Variants in KLHDC7B observed in about 807,000 individuals in gnomAD.
KLHDC7B encodes kelch domain-containing protein 7B.
Under a neutral mutation model 0.6 loss-of-function variants are expected in KLHDC7B, and 1 was observed. The ratio of observed to expected loss-of-function variants is 1.71; its 90% CI spans 0.61 to 8.11. The LOEUF is 8.11. Among genes scored for constraint, KLHDC7B ranks in the 30% most tolerant of loss-of-function variants. KLHDC7B has a pLI of 0.13. For synonymous variants in KLHDC7B, 462 were observed against 405.2 expected, an observed-to-expected ratio of 1.14 and a Z score of -1.68; for missense variants, 993 against 894.9, an observed-to-expected ratio of 1.11 and a Z score of -1.40.
At position 50,548,684 on chromosome 22, in the gene KLHDC7B, C is replaced by G. The variant is rs373901626; in HGVS notation, c.2441C>G (p.Thr814Arg). Residue 814 changes from threonine (T) to arginine (R), a missense_variant, in exon 1 of 1, where the codon ACG (threonine) becomes AGG (arginine). By Grantham distance (71) the Thr-to-Arg change is moderately conservative. Transcript: ENST00000648057. The surrounding 1 kb of genome is among the most constrained non-coding windows in gnomAD (Gnocchi z 5.3). ...GSPAGRSGAL[T>R]EKQEEARKLM... ...CCTGCCGGCCGCAGCGGGGCGCTCA[C>G]GGAAAAGCAGGAGGAGGCCCGGAAG... 6.6e-7 allele frequency: 1 copy of G among 1,520,534 alleles called. No homozygotes were observed. The highest frequency in any genetic ancestry group is 8.8e-7 in the Non-Finnish European group (1 of 1,134,470). 94.2% of individuals were successfully genotyped at this position (1,520,534 alleles called of 1,614,324 possible).
At position 50,549,830 on chromosome 22, in the gene KLHDC7B, C is replaced by G. The variant is rs1471209219; in HGVS notation, c.3587C>G (p.Ser1196Cys). The stretch of plus-strand genomic sequence containing the variant: ...CAGGTCACTGCCACCTTCACGGTCT[C>G]TGGGGGGACTGCCCAGTTCCAGGCC... ...NPQVTATFTV[S>C]GGTAQFQAKE... The change falls in exon 1 of 1, where the codon TCT becomes TGT. Residue 1196 changes from serine (S) to cysteine (C), a missense_variant. Physicochemically the swap from Ser to Cys is moderately radical, Grantham distance 112. Coordinates refer to ENST00000648057, the MANE Select transcript of KLHDC7B (RefSeq NM_138433.5). 6.3e-7 allele frequency: 1 copy of G among 1,585,610 alleles called. No individual in the cohort carries two copies. Among genetic ancestry groups the G allele is most frequent in the African/African-American group, 1.3e-5 (1 of 74,320 alleles).
In KLHDC7B at chr22:50,548,475, C is replaced by A. The variant is rs376155257; in HGVS notation, c.2232C>A (p.Gly744=). ...TGCCCCAAGCCGCGATGCCCAGGGGCCCCGCACAGCCCCCCGCGCAGAGGC... is the reference window on the plus strand; with the variant it reads ...TGCCCCAAGCCGCGATGCCCAGGGGACCCGCACAGCCCCCCGCGCAGAGGC... ...DPLPQAAMPR[G]PAQPPAQRPP... Residue 744 remains glycine, a synonymous_variant, in exon 1 of 1, where the codon GGC becomes GGA. Coordinates refer to ENST00000648057, the MANE Select transcript of KLHDC7B (RefSeq NM_138433.5). This position sits in a 1 kb window ranked among gnomAD's most constrained non-coding sequence, Gnocchi z 5.3. 9 of 1,574,404 alleles carry A rather than the reference C, an allele frequency of 5.7e-6. No individual in the cohort carries two copies. The East Asian group carries it at 2.1e-4, about 36-fold the overall frequency.
chr22:50,548,559 G>C lies in KLHDC7B; in HGVS notation c.2316G>C (p.Arg772=). 1 of 1,549,488 alleles carries C rather than the reference G, an allele frequency of 6.5e-7. No homozygotes were observed. The highest frequency in any genetic ancestry group is 8.7e-7 in the Non-Finnish European group (1 of 1,147,668). The change falls in exon 1 of 1, where the codon CGG becomes CGC. Residue 772 remains arginine, a synonymous_variant. Transcript: ENST00000648057. The surrounding 1 kb of genome is among the most constrained non-coding windows in gnomAD (Gnocchi z 5.3). ...GCTCACAGCCGGTACCCCAGCTACGGAAACGCAGCAGGTGCGAAATCGCCC... is the reference window on the plus strand; with the variant it reads ...GCTCACAGCCGGTACCCCAGCTACGCAAACGCAGCAGGTGCGAAATCGCCC... ...ARRSQPVPQL[R]KRSRCEIAPS...
Position 50,549,722 on chromosome 22 carries a change from G to T in KLHDC7B, c.3479G>T (p.Ser1160Ile). ...MRYNTVTGSW[S>I]RAASLPLPAP... ...TACAACACAGTGACCGGCTCCTGGA[G>T]CAGGGCTGCCTCCCTGCCCCTGCCC... Residue 1160 changes from serine (S) to isoleucine (I), a missense_variant, in exon 1 of 1, where the codon AGC (serine) becomes ATC (isoleucine). Physicochemically the swap from Ser to Ile is moderately radical, Grantham distance 142. Coordinates refer to ENST00000648057, the MANE Select transcript of KLHDC7B (RefSeq NM_138433.5). 1 of 1,587,764 alleles carries T rather than the reference G, an allele frequency of 6.3e-7. No individual in the cohort carries two copies. Among genetic ancestry groups the T allele is most frequent in the Non-Finnish European group, 8.6e-7 (1 of 1,168,540 alleles).
rs1003246485 is a variant in KLHDC7B, at chr22:50,549,207, C to A, written c.1041C>A (p.Cys347Ter). 3 of 1,607,192 alleles carry A rather than the reference C, an allele frequency of 1.9e-6. No homozygotes were observed. Among genetic ancestry groups the A allele is most frequent in the Non-Finnish European group, 2.5e-6 (3 of 1,179,826 alleles). Reference sequence around the variant, plus strand: ...CCGAGGAGGCCCCGCTTCGGGGCTGCGGTCTCTGCACCATGCACAACTACC... The same window carrying A: ...CCGAGGAGGCCCCGCTTCGGGGCTGAGGTCTCTGCACCATGCACAACTACC... Residue 347 changes from cysteine to a stop codon, truncating the protein, a stop_gained, in exon 1 of 1, where the codon TGC becomes TGA. Transcript: ENST00000395676. LOFTEE classifies it low-confidence loss of function (END_TRUNC).
chr22:50,548,521 T>A lies in KLHDC7B; in HGVS notation c.2278T>A (p.Ser760Thr). The A allele has an allele frequency of 6.4e-7, 1 of 1,553,814 alleles. No homozygotes were observed. The highest frequency in any genetic ancestry group is 8.7e-7 in the Non-Finnish European group (1 of 1,149,162). ...GAGGCCGCCTGGCCCCGCGGCCTCC[T>A]CCTCTGCGAGGCGCTCACAGCCGGT... ...AQRPPGPAAS[S>T]SARRSQPVPQ... The change falls in exon 1 of 1, where the codon TCC (serine) becomes ACC (threonine). Residue 760 changes from serine (S) to threonine (T), a missense_variant. Physicochemically the swap from Ser to Thr is moderately conservative, Grantham distance 58. Coordinates refer to ENST00000648057, the MANE Select transcript of KLHDC7B (RefSeq NM_138433.5). This position sits in a 1 kb window ranked among gnomAD's most constrained non-coding sequence, Gnocchi z 5.3.
chr22:50,549,537 T>C lies in KLHDC7B; in HGVS notation c.3294T>C (p.Gly1098=). 1 of 1,604,280 alleles carries C rather than the reference T, an allele frequency of 6.2e-7. No individual in the cohort carries two copies. The highest frequency in any genetic ancestry group is 8.5e-7 in the Non-Finnish European group (1 of 1,174,350). The change falls in exon 1 of 1, where the codon GGT becomes GGC. Residue 1098 remains glycine, a synonymous_variant. Coordinates refer to ENST00000648057, the MANE Select transcript of KLHDC7B (RefSeq NM_138433.5). ...ACRGDIYVTG[G]HLFYRLLRYS... is the part of the protein sequence containing the mutation. ...GTGGGGACATCTACGTCACCGGGGGTCACCTCTTCTACCGCCTGCTCAGGT... is the reference window on the plus strand; with the variant it reads ...GTGGGGACATCTACGTCACCGGGGGCCACCTCTTCTACCGCCTGCTCAGGT...
Position 50,550,047 on chromosome 22 carries a change from C to G in KLHDC7B, c.*96C>G, listed in dbSNP as rs1029006618. 22 of 1,255,070 alleles carry G rather than the reference C, an allele frequency of 1.8e-5. No individual in the cohort carries two copies. Among genetic ancestry groups the G allele is most frequent in the South Asian group, 6.6e-5 (4 of 60,226 alleles). 77.7% of individuals were successfully genotyped at this position (1,255,070 alleles called of 1,614,324 possible). A position where few individuals can be genotyped will look rare whatever the true frequency, so the allele number is the denominator to read the frequency against. On this transcript the variant is annotated 3_prime_UTR_variant, in exon 1 of 1. Coordinates refer to ENST00000648057, the MANE Select transcript of KLHDC7B (RefSeq NM_138433.5). ...CGGGGCTCAGGGAAGGGGCTGGGATCGGAACTTCCTGCTCTTGTTTCTGGA... is the reference window on the plus strand; with the variant it reads ...CGGGGCTCAGGGAAGGGGCTGGGATGGGAACTTCCTGCTCTTGTTTCTGGA...
Position 50,549,620 on chromosome 22 carries a change from C to T in KLHDC7B, c.3377C>T (p.Ser1126Phe). 1 of 1,557,568 alleles carries T rather than the reference C, an allele frequency of 6.4e-7. No individual in the cohort carries two copies. The change falls in exon 1 of 1, where the codon TCC becomes TTC. Residue 1126 changes from serine to phenylalanine, a missense_variant. Coordinates refer to ENST00000648057, the MANE Select transcript of KLHDC7B (RefSeq NM_138433.5). ...ECPYSASHRR[S>F]SDIVALGGFL... is the part of the protein sequence containing the mutation. ...CCATACAGTGCCAGCCACCGGCGTT[C>T]CAGCGACATCGTGGCACTGGGGGGC...
At position 50,546,796 on chromosome 22, in the gene KLHDC7B, G is replaced by A. The variant is rs1432306766; in HGVS notation, c.553G>A (p.Gly185Ser). Among the ~76,000 whole-genome samples, 1 of 152,138 alleles carries A rather than the reference G, an allele frequency of 6.6e-6. No homozygotes were observed. Among genetic ancestry groups the A allele is most frequent in the African/African-American group, 2.4e-5 (1 of 41,450 alleles). Residue 185 changes from glycine to serine, a missense_variant, in exon 1 of 1, where the codon GGC (glycine) becomes AGC (serine). Gly to Ser is a moderately conservative substitution (Grantham distance 56, BLOSUM62 0). Coordinates refer to ENST00000648057, the MANE Select transcript of KLHDC7B (RefSeq NM_138433.5). ...GATCCACTTCACTCCTCGGAGCCCT[G>A]GCAGCGAAGCGGAGGCGGAGACAGG... ...LLIHFTPRSP[G>S]SEAEAETGGV...
rs745640855 is a variant in KLHDC7B, at chr22:50,549,588, C to T, written c.3345C>T (p.Asp1115=). The T allele has an allele frequency of 5.7e-6, 9 of 1,572,118 alleles. 1 individual carries two copies. The South Asian group carries it at 7.0e-5, about 12-fold the overall frequency. The part of the protein sequence containing the change: ...LRYSPVKDAW[D]ECPYSASHRR... ...ACAGCCCCGTGAAGGATGCTTGGGACGAGTGCCCATACAGTGCCAGCCACC... is the reference window on the plus strand; with the variant it reads ...ACAGCCCCGTGAAGGATGCTTGGGATGAGTGCCCATACAGTGCCAGCCACC... Residue 1115 remains aspartate, a synonymous_variant, in exon 1 of 1, where the codon GAC becomes GAT. Transcript: ENST00000648057.
Position 50,549,129 on chromosome 22 carries a change from C to T in KLHDC7B, c.2886C>T (p.His962=), listed in dbSNP as rs192009182. 4.8e-5 allele frequency: 77 copies of T among 1,602,894 alleles called. No homozygotes were observed. The East Asian group carries it at 1.3e-3, about 26-fold the overall frequency. The change falls in exon 1 of 1, where the codon CAC becomes CAT. Residue 962 remains histidine, a synonymous_variant. Transcript: ENST00000648057. The part of the protein sequence containing the change: ...AAPVSLPLPA[H]LHVFNPRENT... ...CTGTGTCCCTGCCTCTACCTGCGCACCTGCATGTGTTCAACCCCCGGGAGA... is the reference window on the plus strand; with the variant it reads ...CTGTGTCCCTGCCTCTACCTGCGCATCTGCATGTGTTCAACCCCCGGGAGA...
rs1028556281 is a variant in KLHDC7B at position 50,549,870 on chromosome 22, C to T, written c.3627C>T (p.Pro1209=). 6.3e-6 allele frequency: 10 copies of T among 1,586,774 alleles called. No individual in the cohort carries two copies. The highest frequency in any genetic ancestry group is 8.6e-6 in the Non-Finnish European group (10 of 1,165,710). The change falls in exon 1 of 1, where the codon CCC becomes CCT. Residue 1209 remains proline (P), a synonymous_variant. Transcript: ENST00000648057. ...TAQFQAKELQ[P]FPLGSTGVLS... ...AGTTCCAGGCCAAGGAGCTGCAGCCCTTCCCCTTGGGGAGCACCGGGGTCC... is the reference window on the plus strand; with the variant it reads ...AGTTCCAGGCCAAGGAGCTGCAGCCTTTCCCCTTGGGGAGCACCGGGGTCC...
In KLHDC7B at chr22:50,549,832, G is replaced by C. The variant is rs1335451119; in HGVS notation, c.3589G>C (p.Gly1197Arg). 5.7e-6 allele frequency: 9 copies of C among 1,585,366 alleles called. No homozygotes were observed. Among genetic ancestry groups the C allele is most frequent in the Non-Finnish European group, 7.7e-6 (9 of 1,166,082 alleles). The part of the protein sequence containing the change: ...PQVTATFTVS[G>R]GTAQFQAKEL... ...GGTCACTGCCACCTTCACGGTCTCT[G>C]GGGGGACTGCCCAGTTCCAGGCCAA... Residue 1197 changes from glycine (G) to arginine (R), a missense_variant, in exon 1 of 1, where the codon GGG becomes CGG. Gly to Arg is a moderately radical substitution (Grantham distance 125). Coordinates refer to ENST00000648057, the MANE Select transcript of KLHDC7B (RefSeq NM_138433.5).
rs948064449 is a variant in KLHDC7B, at chr22:50,546,193, C to G, written c.-51C>G. Among the ~76,000 whole-genome samples the G allele has an allele frequency of 1.3e-5, 2 of 152,346 alleles. No homozygotes were observed. The highest frequency in any genetic ancestry group is 6.5e-5 in the Admixed American group (1 of 15,310). On this transcript the variant is annotated 5_prime_UTR_variant, in exon 1 of 1. Coordinates refer to ENST00000648057, the MANE Select transcript of KLHDC7B (RefSeq NM_138433.5). ...CGGTGCCTCAGCCCAGGCCTCTGTG[C>G]TCTGCATGCACTGCCAGCCTGCCAT...
At position 50,550,456 on chromosome 22, in the gene KLHDC7B, T is replaced by G. The variant is rs1417277981; in HGVS notation, c.*505T>G. 1 of 169,492 alleles carries G rather than the reference T, an allele frequency of 5.9e-6. No homozygotes were observed. Among genetic ancestry groups the G allele is most frequent in the African/African-American group, 2.4e-5 (1 of 41,530 alleles). The allele number at this position is 169,492 out of a possible 1,614,324, so 10.5% of individuals were successfully genotyped here. On this transcript the variant is annotated 3_prime_UTR_variant, in exon 1 of 1. Transcript: ENST00000648057. ...TACCAACCCCGTAGCTATCTGGGTC[T>G]GTTTGGCACTGTGGATTCTCAAGGG...
chr22:50,547,602 C>A lies in KLHDC7B; in HGVS notation c.1359C>A (p.Ser453=), dbSNP rs531242167. 4 of 402,380 alleles carry A rather than the reference C, an allele frequency of 9.9e-6. No individual in the cohort carries two copies. The South Asian group carries it at 3.4e-4, about 35-fold the overall frequency. The allele number at this position is 402,380 out of a possible 1,614,324, so 24.9% of individuals were successfully genotyped here. A position where few individuals can be genotyped will look rare whatever the true frequency, so the allele number is the denominator to read the frequency against. The change falls in exon 1 of 1, where the codon TCC becomes TCA. Residue 453 remains serine (S), a synonymous_variant. Coordinates refer to ENST00000648057, the MANE Select transcript of KLHDC7B (RefSeq NM_138433.5). ...CCCTGGAGGTTACCCAGGATCCTTC[C>A]GTGGGCGAAAATCTCAGAGCGGCGC... is the stretch of plus-strand genomic sequence containing the variant. ...FLPLEVTQDP[S]VGENLRAAPA...
rs2069780687 is a variant in KLHDC7B, at chr22:50,549,556, C to T, written c.3313C>T (p.Leu1105Phe). The T allele has an allele frequency of 6.3e-7, 1 of 1,596,734 alleles. No homozygotes were observed. The highest frequency in any genetic ancestry group is 8.6e-7 in the Non-Finnish European group (1 of 1,169,552). The change falls in exon 1 of 1, where the codon CTC becomes TTC. Residue 1105 changes from leucine to phenylalanine, a missense_variant. Coordinates refer to ENST00000648057, the MANE Select transcript of KLHDC7B (RefSeq NM_138433.5). Reference sequence around the variant, plus strand: ...CGGGGGTCACCTCTTCTACCGCCTGCTCAGGTACAGCCCCGTGAAGGATGC... The same window carrying T: ...CGGGGGTCACCTCTTCTACCGCCTGTTCAGGTACAGCCCCGTGAAGGATGC... Reference protein sequence around the residue: ...VTGGHLFYRLLRYSPVKDAWD... With the variant: ...VTGGHLFYRLFRYSPVKDAWD...
rs1039123087 is a variant in KLHDC7B, at chr22:50,547,802, C to T, written c.1559C>T (p.Pro520Leu). 34 of 504,048 alleles carry T rather than the reference C, an allele frequency of 6.7e-5. No homozygotes were observed. The highest frequency in any genetic ancestry group is 1.1e-4 in the Non-Finnish European group (32 of 286,260). The allele number at this position is 504,048 out of a possible 1,614,324, so 31.2% of individuals were successfully genotyped here. A position where few individuals can be genotyped will look rare whatever the true frequency, so the allele number is the denominator to read the frequency against. ...TCAGCTCCAACTTCAACCCCAGCCC[C>T]AGCCCCAAGTCCAGCTGCAGCCGCA... ...PTSAPTSTPA[P>L]APSPAAAATP... Residue 520 changes from proline to leucine, a missense_variant, in exon 1 of 1, where the codon CCA (proline) becomes CTA (leucine). By Grantham distance (98) the Pro-to-Leu change is moderately conservative. Transcript: ENST00000648057.
Sources: gnomAD v4.1 joint callset for allele counts (sites outside exome capture counted in the v4.1 genomes callset) on GRCh38, gnomAD v4.1.1 for gene constraint, Gnocchi (gnomAD v3.1) non-coding constraint, MANE v1.5 for transcripts, NCBI Gene and HGNC (gene_info 2026-07-23, HGNC 2026-07-21) for gene names.